The following ZNF726 variants were observed in gnomAD, a reference collection of about 807,000 sequenced individuals.
ZNF726 encodes zinc finger protein 726, also known as zinc finger protein 92 pseudogene 3.
A neutral mutation model predicts 11.6 loss-of-function variants in ZNF726; 15 were observed. That is an observed-to-expected ratio of 1.29 (90% CI 0.86 to 1.99). ZNF726 has a LOEUF of 1.99. Ranked by LOEUF, ZNF726 falls within the 30% of genes most tolerant of loss-of-function variation. The pLI is 0.00. For synonymous variants in ZNF726, 295 were observed against 243.6 expected, an observed-to-expected ratio of 1.21 and a Z score of -1.96; for missense variants, 890 against 725.6, an observed-to-expected ratio of 1.23 and a Z score of -2.60.
In ZNF726 at chr19:23,941,878, C is replaced by T. The variant is rs1968344196; in HGVS notation, c.227-1616C>T. Among the ~76,000 whole-genome samples, 3 of 152,214 alleles carry T rather than the reference C, an allele frequency of 2.0e-5. No individual in the cohort carries two copies. The South Asian group carries it at 6.2e-4, about 32-fold the overall frequency. ...TTTCTCTCTTCTTTTCTTGGTTAAT[C>T]TTGCTAATGGCCTATCAATTTTATT... On this transcript the variant is annotated intron_variant, in intron 3 of 4. Transcript: ENST00000334589.
chr19:23,927,715 C>G (rs933490143), intron 3 of ZNF726: 10 of 152,184 alleles, frequency 6.6e-5, no homozygotes, highest in African/African-American at 2.4e-4. Context: ...CTTTTAACTC[C>G]AAGTGATCCT....
At chr19:23,927,998 T>C (rs1968024800) in intron 3 of ZNF726, 1 of 152,202 alleles carries the variant, frequency 6.6e-6, no homozygotes, top group Non-Finnish European at 1.5e-5. Flanking sequence ...GGGAGGTGTT[T>C]GGGTCATGGG....
chr19:23,935,520 T>G (rs1186399179), downstream of ZNF726: 1 of 388,666 alleles, frequency 2.6e-6, no homozygotes, highest in South Asian at 2.0e-5. Context: ...GATATAAGAT[T>G]ATTCATACTG....
chr19:23,933,295 A>C lies in ZNF726; in HGVS notation c.1179A>C (p.Gly393=), dbSNP rs1968158558. The change falls in exon 4 of 4, where the codon GGA becomes GGC. Residue 393 remains glycine, a synonymous_variant. Coordinates refer to ENST00000594466, the MANE Select transcript of ZNF726 (RefSeq NM_001244038.2). The part of the protein sequence containing the change: ...TLTKHKRIHT[G]EKPYKCEECG... ...CTAAACATAAGAGGATTCACACTGG[A>C]GAGAAACCCTACAAATGTGAAGAAT... 4.3e-6 allele frequency: 7 copies of C among 1,613,660 alleles called. No individual in the cohort carries two copies. The South Asian group carries it at 6.6e-5, about 15-fold the overall frequency.
intron 3 of ZNF726, chr19:23,920,421 A>C (rs1359735614): frequency 5.9e-6 from 1 of 168,672 alleles, no homozygotes; most frequent in Non-Finnish European, 1.3e-5. Flanking sequence ...CTATGTTAAA[A>C]TTTTTTTTTG....
intron 4 of ZNF726, chr19:23,943,775 A>G (rs1388477983): frequency 2.5e-6 from 1 of 408,078 alleles, no homozygotes; most frequent in Non-Finnish European, 4.4e-6. Flanking sequence ...ATTTCTAAGG[A>G]CTCTACTTCC....
intron 1 of ZNF726, 98 bp downstream of exon 1, chr19:23,915,095 T>C: frequency 6.4e-7 from 1 of 1,571,998 alleles, no homozygotes; most frequent in Non-Finnish European, 8.7e-7. Context: ...TCGCTGTCAG[T>C]TTTACAATCT....
intron 3 of ZNF726, chr19:23,929,299 C>T (rs754616999): frequency 1.3e-5 from 2 of 151,890 alleles, no homozygotes; most frequent in Non-Finnish European, 2.9e-5. Context: ...CTTGTGTATT[C>T]GTCTGTTTTT....
At chr19:23,923,395 A>C (rs1047997133) in intron 3 of ZNF726, 3 of 413,526 alleles carry the variant, frequency 7.3e-6, no homozygotes, top group African/African-American at 6.5e-5. Context: ...ATTGCCATAC[A>C]ATAGATGCCA....
In ZNF726 at chr19:23,919,983, A is replaced by C. The variant is rs751717223; in HGVS notation, c.131-4A>C. ...ATTCATGTTAATTATTTTTAATAAA[A>C]CAGGTATTGCTGTCTCTAAGCCAGA... is the stretch of plus-strand genomic sequence containing the variant. On this transcript the variant is annotated splice_polypyrimidine_tract_variant and splice_region_variant and intron_variant, in intron 2 of 3. Coordinates refer to ENST00000594466, the MANE Select transcript of ZNF726 (RefSeq NM_001244038.2). 1.9e-6 allele frequency: 3 copies of C among 1,562,326 alleles called. No homozygotes were observed. In the African/African-American group the frequency reaches 4.1e-5, roughly 21 times the overall value.
At chr19:23,920,356 C>CT (rs77126357) in intron 3 of ZNF726, 83 of 189,446 alleles carry the variant, frequency 4.4e-4, no homozygotes, top group Middle Eastern at 1.8e-3. Context: ...TACAATCTGA[C>CT]TTTTTTTTTC....
intron 4 of ZNF726, chr19:23,944,149 T>C (rs1226372846): frequency 1.3e-5 from 2 of 152,236 alleles, no homozygotes; most frequent in African/African-American, 4.8e-5. Flanking sequence ...TATATACCTA[T>C]TGGTCATGTG....
intron 3 of ZNF726, among the ~76,000 whole-genome samples, chr19:23,925,777 T>C (rs1967972500): frequency 6.8e-6 from 1 of 147,788 alleles, no homozygotes; most frequent in Non-Finnish European, 1.5e-5. Context: ...AGTGCAATGG[T>C]GAGATCTCGG....
At chr19:23,921,459 A>G (rs958666855) in intron 3 of ZNF726, 5 of 152,170 alleles carry the variant, frequency 3.3e-5, no homozygotes, top group Admixed American at 1.3e-4. Context: ...CAGGGAGTTT[A>G]TTGAGTCTAG....
chr19:23,924,525 GT>G (rs947346031), intron 3 of ZNF726, among the ~76,000 whole-genome samples: 4 of 151,940 alleles, frequency 2.6e-5, no homozygotes, highest in African/African-American at 9.7e-5. Context: ...ATTGTCTCCA[GT>G]TTTTTAAAAA....
chr19:23,920,500 C>A (rs567487925), intron 3 of ZNF726: 1 of 159,010 alleles, frequency 6.3e-6, no homozygotes, highest in African/African-American at 2.4e-5. Flanking sequence ...TCACTGCAAC[C>A]TCTGCCTCCC....
downstream of ZNF726, among the ~76,000 whole-genome samples, chr19:23,936,495 T>C (rs1185560372): frequency 9.6e-6 from 1 of 104,022 alleles, no homozygotes; most frequent in Non-Finnish European, 2.1e-5. Context: ...TGTGAAAACA[T>C]GTGACTAATT....
exon 4 of ZNF726, chr19:23,943,566 A>T: frequency 1.5e-6 from 1 of 669,686 alleles, no homozygotes; most frequent in South Asian, 1.6e-5. Context: ...GTGAAGAGAC[A>T]TGAGACAGTA....
intron 3 of ZNF726, among the ~76,000 whole-genome samples, chr19:23,921,979 A>G (rs1967864390): frequency 1.3e-5 from 2 of 152,246 alleles, no homozygotes; most frequent in Admixed American, 6.5e-5. Flanking sequence ...ACACCTCTTC[A>G]GAATTTTATA....
Sources: gnomAD v4.1 joint callset for allele counts (sites outside exome capture counted in the v4.1 genomes callset) on GRCh38, gnomAD v4.1.1 for gene constraint, MANE v1.5 for transcripts, NCBI Gene and HGNC (gene_info 2026-07-23, HGNC 2026-07-21) for gene names.